Variants in F8 observed in about 807,000 individuals in gnomAD.
The protein encoded by F8 is antihemophilic factor.
In F8, 12 loss-of-function variants were observed where a neutral mutation model predicts 140.6. The observed-to-expected ratio is 0.09, with a 90% CI of 0.05 to 0.14. F8 has a LOEUF of 0.14. Ranked by LOEUF, F8 falls within the 10% of genes least tolerant of loss-of-function variation. The pLI is 1.00. For synonymous variants in F8, 585 were observed against 614.6 expected (o/e 0.95, Z 0.71); for missense variants, 1,354 against 1,720.7 (o/e 0.79, Z 3.77).
rs1557274896 is a variant in F8 at position 154,888,408 on chromosome X, C to CTTTT, written c.6429+7668_6429+7669insAAAA. On this transcript the variant is annotated intron_variant, in intron 22 of 25. Coordinates refer to ENST00000360256, the MANE Select transcript of F8 (RefSeq NM_000132.4). Reference sequence around the variant, plus strand: ...TTTTTTTTTTTTTTTTTTTTTTTTCCCCCCGAGATGGAGTCTCACTCTGTC... The same window carrying CTTTT: ...TTTTTTTTTTTTTTTTTTTTTTTTCCTTTTCCCCGAGATGGAGTCTCACTCTGTC... 1.9e-3 allele frequency among the ~76,000 whole-genome samples: 99 copies of CTTTT among 53,334 alleles called. 3 individuals are homozygous for CTTTT. Among genetic ancestry groups the CTTTT allele is most frequent in the African/African-American group, 6.0e-3 (67 of 11,203 alleles). The allele number at this position is 53,334 out of a possible 115,157, so 46.3% of individuals were successfully genotyped here. A position where few individuals can be genotyped will look rare whatever the true frequency, so the allele number is the denominator to read the frequency against.
intron 13 of F8, among the ~76,000 whole-genome samples, chrX:154,939,102 G>A (rs1379892077): frequency 9.0e-6 from 1 of 111,197 alleles, no homozygotes; most frequent in African/African-American, 3.3e-5. Flanking sequence ...TGCAGAAGAC[G>A]GGTGATTTCT....
chrX:155,016,957 T>C (rs781899696), intron 1 of F8, among the ~76,000 whole-genome samples: 2 of 112,641 alleles, frequency 1.8e-5, no homozygotes, highest in African/African-American at 6.4e-5. Flanking sequence ...AAATATATTA[T>C]GTGGCAAATT....
At chrX:154,888,406 T>TTTTTTTTTTTTTTTAA in intron 22 of F8, among the ~76,000 whole-genome samples, 1 of 73,727 alleles carries the variant, frequency 1.4e-5, no homozygotes, top group Non-Finnish European at 2.4e-5. Context: ...TTTTTTTTTT[T>TTTTTTTTTTTTTTTAA]CCCCCCGAGA....
Position 154,956,670 on chromosome X carries a change from C to T in F8, c.1752+287G>A, listed in dbSNP as rs12397268. Among the ~76,000 whole-genome samples, 1,104 of 110,640 alleles carry T rather than the reference C, an allele frequency of 1.0e-2. 14 individuals are homozygous for T. The highest frequency in any genetic ancestry group is 0.035 in the African/African-American group (1,056 of 30,403). ...AGAAATCTAGGCTGTAGATATAAAT[C>T]TGTGGGTCATCTGAAAATAGGTGGT... is the stretch of plus-strand genomic sequence containing the variant. On this transcript the variant is annotated intron_variant, in intron 11 of 25. Coordinates refer to ENST00000360256, the MANE Select transcript of F8 (RefSeq NM_000132.4).
intron 25 of F8, among the ~76,000 whole-genome samples, chrX:154,848,785 C>T (rs1434983783): frequency 9.0e-6 from 1 of 110,828 alleles, no homozygotes; most frequent in Non-Finnish European, 1.9e-5. Flanking sequence ...GTGGGCTGCA[C>T]CCACTGTCCT....
At chrX:154,888,764 T>C (rs1190183687) in intron 22 of F8, among the ~76,000 whole-genome samples, 1 of 107,385 alleles carries the variant, frequency 9.3e-6, no homozygotes, top group African/African-American at 3.5e-5. Context: ...TTTGGTGTTG[T>C]GCGATCACGT....
intron 1 of F8, among the ~76,000 whole-genome samples, chrX:155,008,976 T>C (rs782230578): frequency 8.9e-6 from 1 of 111,908 alleles, no homozygotes; most frequent in Admixed American, 9.4e-5. Flanking sequence ...CCTCTGCCTA[T>C]CCCTGATTCC....
At chrX:154,926,278 C>T (rs1237646310) in intron 14 of F8, among the ~76,000 whole-genome samples, 1 of 111,804 alleles carries the variant, frequency 8.9e-6, no homozygotes, top group East Asian at 2.8e-4. Flanking sequence ...TGAAAATGGA[C>T]TAATACAGGA....
chrX:154,851,267 C>T (rs956868714), intron 25 of F8, among the ~76,000 whole-genome samples: 10 of 112,057 alleles, frequency 8.9e-5, no homozygotes, highest in African/African-American at 2.9e-4. Context: ...ATGGATAGAC[C>T]ACATTTTGTT....
Position 154,893,131 on chromosome X carries a change from A to G in F8, c.6429+2946T>C, listed in dbSNP as rs1360966920. On this transcript the variant is annotated intron_variant, in intron 22 of 25. Transcript: ENST00000360256. ...CAATTGCCAATCAGAAAATCTTTGA[A>G]TCTACCTACGACCTGGAAGCCCCGC... is the stretch of plus-strand genomic sequence containing the variant. Among the ~76,000 whole-genome samples, 9 of 112,049 alleles carry G rather than the reference A, an allele frequency of 8.0e-5. No individual in the cohort carries two copies. In the East Asian group the frequency reaches 2.0e-3, roughly 24 times the overall value.
intron 22 of F8, among the ~76,000 whole-genome samples, chrX:154,874,101 G>T (rs1331911382): frequency 8.9e-6 from 1 of 112,209 alleles, no homozygotes; most frequent in South Asian, 3.6e-4. Flanking sequence ...CTGATAATGG[G>T]TAAGAAACTC....
At chrX:154,858,835 C>T (rs1557272608) in intron 25 of F8, among the ~76,000 whole-genome samples, 1 of 112,567 alleles carries the variant, frequency 8.9e-6, no homozygotes, top group African/African-American at 3.2e-5. Flanking sequence ...ATGGGTGCTA[C>T]ATTGACAAGG....
intron 11 of F8, among the ~76,000 whole-genome samples, chrX:154,955,317 A>ATTTTTT (rs34537569): frequency 1.5e-5 from 1 of 66,882 alleles, no homozygotes; most frequent in African/African-American, 7.1e-5. Flanking sequence ...TGCCCAGCTA[A>ATTTTTT]TTTTTTTTTT....
chrX:155,011,832 T>C (rs925020431), intron 1 of F8, among the ~76,000 whole-genome samples: 5 of 112,518 alleles, frequency 4.4e-5, no homozygotes, highest in Admixed American at 9.4e-5. Flanking sequence ...TTAACTCCTC[T>C]ATCATTCTGC....
At chrX:154,947,557 A>G in intron 13 of F8, 141 bp downstream of exon 13, 1 of 536,477 alleles carries the variant, frequency 1.9e-6, no homozygotes, top group African/African-American at 2.2e-5. Flanking sequence ...AATAATAACT[A>G]CTCAGAGGAG....
At chrX:155,022,280 A>C (rs1338636511) in intron 1 of F8, 130 bp downstream of exon 1, 8 of 674,519 alleles carry the variant, frequency 1.2e-5, no homozygotes, top group Non-Finnish European at 1.9e-5. Flanking sequence ...TGCACACCTT[A>C]CCCAGAAATG....
chrX:154,892,674 G>A (rs2072951847), intron 22 of F8, among the ~76,000 whole-genome samples: 1 of 112,031 alleles, frequency 8.9e-6, no homozygotes, highest in African/African-American at 3.2e-5. Flanking sequence ...CAGAAAACAT[G>A]GAAATTAGGA....
In F8 at chrX:154,928,667, C is replaced by T. The variant is rs111033614; in HGVS notation, c.5123G>A (p.Arg1708His). Residue 1708 changes from arginine (R) to histidine (H), a missense_variant, in exon 14 of 26, where the codon CGC (arginine) becomes CAC (histidine). Coordinates refer to ENST00000360256, the MANE Select transcript of F8 (RefSeq NM_000132.4). ...IYDEDENQSP[R>H]SFQKKTRHYF... ...GTGTCGTGTTTTCTTTTGAAAGCTG[C>T]GGGGGCTCTGATTTTCATCCTCATC... The T allele has an allele frequency of 5.8e-6, 7 of 1,208,069 alleles. No individual in the cohort carries two copies. The highest frequency in any genetic ancestry group is 3.6e-5 in the South Asian group (2 of 56,307).
At chrX:154,873,246 A>G (rs1557273729) in intron 22 of F8, among the ~76,000 whole-genome samples, 1 of 102,603 alleles carries the variant, frequency 9.7e-6, no homozygotes, top group Non-Finnish European at 2.0e-5. Context: ...TTTTTTTTTG[A>G]GACAGAGTCT....
Sources: allele counts gnomAD v4.1 joint callset (sites outside exome capture counted in the v4.1 genomes callset), GRCh38; gene constraint gnomAD v4.1.1; transcripts MANE v1.5; gene names NCBI Gene and HGNC (gene_info 2026-07-23, HGNC 2026-07-21).